The following BNIP5 variants were observed in gnomAD, a reference collection of about 807,000 sequenced individuals.
BNIP5 encodes BCL2 interacting protein 5.
BNIP5 carries 61 observed loss-of-function variants against 67.3 expected under a neutral mutation model. That is an observed-to-expected ratio of 0.91 (90% CI 0.74 to 1.12). The LOEUF (loss-of-function observed/expected upper bound fraction) is 1.12. Ranked by LOEUF, BNIP5 falls within the 50% of genes most tolerant of loss-of-function variation. The pLI, the probability that BNIP5 is intolerant of heterozygous loss-of-function variation, is 0.00. For missense variants in BNIP5, 826 were observed against 816.3 expected, an observed-to-expected ratio of 1.01 and a Z score of -0.14; for synonymous variants, 317 against 319.0, an observed-to-expected ratio of 0.99 and a Z score of 0.07.
rs1771561919 is a variant in BNIP5, at chr6:36,318,328, T to C, written c.1924-937A>G. Among the ~76,000 whole-genome samples, 3 of 152,114 alleles carry C rather than the reference T, an allele frequency of 2.0e-5. No individual in the cohort carries two copies. The South Asian group carries it at 6.2e-4, about 32-fold the overall frequency. ...CTACGCTGTGGATCTGGGTCAAATGTTTGTAAGCAGGTTATGTTAAGTGAA... is the reference window on the plus strand; with the variant it reads ...CTACGCTGTGGATCTGGGTCAAATGCTTGTAAGCAGGTTATGTTAAGTGAA... On this transcript the variant is annotated intron_variant, in intron 11 of 11. Transcript: ENST00000437635.
At chr6:36,325,734 C>T (rs1435234465) in intron 5 of BNIP5, among the ~76,000 whole-genome samples, 1 of 152,110 alleles carries the variant, frequency 6.6e-6, no homozygotes, top group Non-Finnish European at 1.5e-5. Context: ...AGCCAGAATC[C>T]CCCTGCATGA....
At chr6:36,326,430 T>TCCCTG in intron 5 of BNIP5, 80 bp downstream of exon 5, 1 of 1,562,936 alleles carries the variant, frequency 6.4e-7, no homozygotes, top group Non-Finnish European at 8.7e-7. Flanking sequence ...ACCTTTAAAA[T>TCCCTG]GGTCAATTCC....
rs74693071 is a variant in BNIP5, at chr6:36,330,282, C to T, written c.409G>A (p.Glu137Lys). ...EGISQHPEPL[E>K]AAGEPALRKK... ...CTGAGGGCTGGCTCCCCTGCTGCTTCCAGGGGCTCCGGATGCTGGGAGATA... is the reference window on the plus strand; with the variant it reads ...CTGAGGGCTGGCTCCCCTGCTGCTTTCAGGGGCTCCGGATGCTGGGAGATA... Residue 137 changes from glutamate (E) to lysine (K), a missense_variant, in exon 2 of 12, where the codon GAA (glutamate) becomes AAA (lysine). Coordinates refer to ENST00000437635, the MANE Select transcript of BNIP5 (RefSeq NM_001010903.5). The T allele has an allele frequency of 0.012, 18,781 of 1,614,168 alleles. 2,301 individuals are homozygous for T. The Admixed American group carries it at 0.23, about 20-fold the overall frequency.
intron 10 of BNIP5, 59 bp from the exon 11 acceptor site, chr6:36,319,669 T>C (rs554556810): frequency 2.6e-6 from 4 of 1,563,382 alleles, no homozygotes; most frequent in African/African-American, 2.7e-5. Context: ...TCCCGCCAAC[T>C]GCCCCTCCCA....
chr6:36,321,654 G>A (rs577154520), intron 9 of BNIP5, among the ~76,000 whole-genome samples: 6 of 152,182 alleles, frequency 3.9e-5, no homozygotes, highest in East Asian at 1.9e-4. Context: ...TCTAAGCAGC[G>A]GTGTGCCAGG....
intron 2 of BNIP5, among the ~76,000 whole-genome samples, chr6:36,328,935 C>G (rs913350724): frequency 6.6e-6 from 1 of 152,004 alleles, no homozygotes; most frequent in African/African-American, 2.4e-5. Flanking sequence ...TCGCTAACCC[C>G]CTCCCCGCAA....
rs752395367 is a variant in BNIP5 at position 36,323,400 on chromosome 6, C to T, written c.1364G>A (p.Arg455Lys). The T allele has an allele frequency of 8.7e-6, 14 of 1,614,170 alleles. No individual in the cohort carries two copies. In the African/African-American group the frequency reaches 1.6e-4, roughly 18 times the overall value. The change falls in exon 8 of 12, where the codon AGA becomes AAA. Residue 455 changes from arginine to lysine, a missense_variant. Physicochemically the swap from Arg to Lys is conservative, Grantham distance 26. Transcript: ENST00000437635. ...HKKHTSKEPRRAGAAGAASPE... is the reference protein window; with the variant it reads ...HKKHTSKEPRKAGAAGAASPE... ...GCTGGCAGCCCCTGCTGCCCCCGCTCTTCTGGGTTCCTTGGAGGTGTGTTT... is the reference window on the plus strand; with the variant it reads ...GCTGGCAGCCCCTGCTGCCCCCGCTTTTCTGGGTTCCTTGGAGGTGTGTTT...
At chr6:36,317,620 C>T (rs1771549783) in intron 11 of BNIP5, among the ~76,000 whole-genome samples, 1 of 152,158 alleles carries the variant, frequency 6.6e-6, no homozygotes, top group Admixed American at 6.5e-5. Context: ...CTGGAAGGCT[C>T]CCAGGACCTA....
At position 36,317,350 on chromosome 6, in the gene BNIP5, C is replaced by G. The variant is rs1283821125; in HGVS notation, c.*6G>C. On this transcript the variant is annotated 3_prime_UTR_variant, in exon 12 of 12. Transcript: ENST00000437635. ...TTCAAGGGAATTTGAGTGCAAGACA[C>G]AGCTTTCAATCTGGACTTTCAACCT... The G allele has an allele frequency of 6.2e-7, 1 of 1,612,580 alleles. No individual in the cohort carries two copies. Among genetic ancestry groups the G allele is most frequent in the Non-Finnish European group, 8.5e-7 (1 of 1,178,712 alleles).
At chr6:36,327,211 G>C (rs1771785435) in intron 3 of BNIP5, 117 bp from the exon 4 acceptor site, 6 of 894,210 alleles carry the variant, frequency 6.7e-6, no homozygotes, top group Non-Finnish European at 1.1e-5. Context: ...TGGAGGGAAA[G>C]CACCACATCC....
intron 3 of BNIP5, 87 bp from the exon 4 acceptor site, chr6:36,327,181 C>G: frequency 8.2e-7 from 1 of 1,221,612 alleles, no homozygotes. Context: ...TTCTCTTAAA[C>G]AACTCTTTAG....
chr6:36,331,465 G>A lies in BNIP5; in HGVS notation c.-4-771C>T, dbSNP rs536288010. The stretch of plus-strand genomic sequence containing the variant: ...GTAGCAATGGAAAACGAATACAGCC[G>A]GAGCCAGAGGCCTGGTCCTGCCCCT... On this transcript the variant is annotated intron_variant, in intron 1 of 11. Transcript: ENST00000437635. 4.6e-5 allele frequency among the ~76,000 whole-genome samples: 7 copies of A among 152,232 alleles called. No individual in the cohort carries two copies. The South Asian group carries it at 6.2e-4, about 14-fold the overall frequency.
chr6:36,334,322 C>T (rs1771969381), intron 1 of BNIP5, among the ~76,000 whole-genome samples: 2 of 152,218 alleles, frequency 1.3e-5, no homozygotes. Flanking sequence ...GGAAGGGGGC[C>T]TCTGCTATCC....
chr6:36,323,588 A>G, intron 7 of BNIP5, 55 bp from the exon 8 acceptor site: 2 of 1,604,294 alleles, frequency 1.2e-6, no homozygotes, highest in Non-Finnish European at 1.7e-6. Flanking sequence ...AGGAGATCTC[A>G]GGTGAGGTGG....
intron 1 of BNIP5, among the ~76,000 whole-genome samples, chr6:36,335,794 G>A (rs147026912): frequency 1.7e-4 from 26 of 152,298 alleles, no homozygotes; most frequent in African/African-American, 3.4e-4. Context: ...TCACATAGCC[G>A]GGAAGCAGAG....
intron 1 of BNIP5, among the ~76,000 whole-genome samples, 189 bp downstream of exon 1, chr6:36,336,523 C>T (rs138565181): frequency 8.5e-5 from 13 of 152,288 alleles, no homozygotes; most frequent in Non-Finnish European, 1.6e-4. Context: ...ACCTTGCTCC[C>T]TCTTTTTAGA....
At position 36,330,192 on chromosome 6, in the gene BNIP5, C is replaced by A; in HGVS notation, c.499G>T (p.Glu167Ter). The change falls in exon 2 of 12, where the codon GAG becomes TAG. Residue 167 changes from glutamate (E) to a stop codon, truncating the protein, a stop_gained. Coordinates refer to ENST00000437635, the MANE Select transcript of BNIP5 (RefSeq NM_001010903.5). LOFTEE classifies it high-confidence loss of function. The stretch of plus-strand genomic sequence containing the variant: ...TGGTCTTGAGCTGCCTTAGTCACCT[C>A]GGCCGCGTGTTTCTTGTGACCTTGC... ...KKQGHKKHAA[E>*]VTKAAQDQEA... The A allele has an allele frequency of 1.2e-6, 2 of 1,614,100 alleles. No homozygotes were observed. Among genetic ancestry groups the A allele is most frequent in the South Asian group, 2.2e-5 (2 of 91,084 alleles).
At chr6:36,325,206 C>CA in intron 6 of BNIP5, 77 bp downstream of exon 6, 1 of 1,495,588 alleles carries the variant, frequency 6.7e-7, no homozygotes, top group Non-Finnish European at 9.3e-7. Flanking sequence ...CTCTCTGGCT[C>CA]AGTGTCTCTT....
intron 2 of BNIP5, among the ~76,000 whole-genome samples, chr6:36,329,540 G>A (rs936530209): frequency 6.6e-6 from 1 of 152,148 alleles, no homozygotes; most frequent in Non-Finnish European, 1.5e-5. Context: ...GCCGGGCGTG[G>A]TGGCTCACAC....
Sources: allele counts gnomAD v4.1 joint callset (sites outside exome capture counted in the v4.1 genomes callset), GRCh38; gene constraint gnomAD v4.1.1; transcripts MANE v1.5; gene names NCBI Gene and HGNC (gene_info 2026-07-23, HGNC 2026-07-21).